Variants in ADK observed in about 807,000 individuals in gnomAD.
ADK encodes the protein N6,N6-dimethyladenosine kinase.
In ADK, 24 loss-of-function variants were observed where a neutral mutation model predicts 44.7. That is an observed-to-expected ratio of 0.54 (90% CI 0.39 to 0.76). The LOEUF is 0.76. ADK is among the 30% of genes least tolerant of loss of function. The pLI is 0.00. For synonymous variants in ADK, 128 were observed against 142.6 expected, an observed-to-expected ratio of 0.90 and a Z score of 0.73; for missense variants, 321 against 425.1, an observed-to-expected ratio of 0.76 and a Z score of 2.15.
chr10:74,670,359 C>T (rs1213273971), intron 10 of ADK, 90 bp downstream of exon 10: 5 of 906,892 alleles, frequency 5.5e-6, no homozygotes, highest in African/African-American at 5.0e-5. Flanking sequence ...CATTTAGTAA[C>T]TTCTAATTTC....
intron 6 of ADK, among the ~76,000 whole-genome samples, chr10:74,501,883 G>T (rs1244900059): frequency 1.3e-5 from 2 of 152,082 alleles, no homozygotes; most frequent in African/African-American, 2.4e-5. Flanking sequence ...TTAATGGGAA[G>T]ATAGGGTTTC....
intron 3 of ADK, among the ~76,000 whole-genome samples, chr10:74,310,404 T>G (rs560652459): frequency 7.2e-5 from 11 of 152,308 alleles, no homozygotes; most frequent in African/African-American, 2.6e-4. Flanking sequence ...TTCCTTCTTA[T>G]GAGTTTTCTT....
chr10:74,604,360 C>T (rs1002017352), intron 9 of ADK, among the ~76,000 whole-genome samples: 2 of 152,108 alleles, frequency 1.3e-5, no homozygotes, highest in African/African-American at 4.8e-5. Context: ...CCTAGGTTTT[C>T]TTCTAGGGTT....
chr10:74,356,337 A>G (rs920837830), intron 4 of ADK, among the ~76,000 whole-genome samples: 3 of 152,096 alleles, frequency 2.0e-5, no homozygotes, highest in African/African-American at 7.2e-5. Context: ...TATTGTTAAT[A>G]CCTCAACCAT....
At chr10:74,294,664 T>G (rs1839748459) in intron 3 of ADK, among the ~76,000 whole-genome samples, 1 of 152,232 alleles carries the variant, frequency 6.6e-6, no homozygotes, top group Non-Finnish European at 1.5e-5. Context: ...GACAAACAAC[T>G]GTTTAGTTAT....
intron 6 of ADK, among the ~76,000 whole-genome samples, chr10:74,489,187 C>G (rs546842742): frequency 9.2e-5 from 14 of 151,880 alleles, no homozygotes; most frequent in Admixed American, 7.2e-4. Flanking sequence ...AAAGAAAGTT[C>G]ATATGGAACA....
At chr10:74,598,798 C>G (rs939596542) in intron 8 of ADK, among the ~76,000 whole-genome samples, 2 of 152,006 alleles carry the variant, frequency 1.3e-5, no homozygotes, top group African/African-American at 4.8e-5. Flanking sequence ...GAAAGACTTT[C>G]TTTTAAAGAA....
Position 74,200,776 on chromosome 10 carries a change from C to G in ADK, c.78C>G (p.Leu26=), listed in dbSNP as rs755289664. Residue 26 remains leucine, a synonymous_variant, in exon 2 of 11, where the codon CTC becomes CTG. Coordinates refer to ENST00000539909, the MANE Select transcript of ADK (RefSeq NM_006721.4). ...TGTGTTTTTTTAGAGAAAATATTCT[C>G]TTTGGAATGGGAAATCCTCTGCTTG... ...EAPQALRENI[L]FGMGNPLLDI... 8.1e-6 allele frequency: 13 copies of G among 1,610,250 alleles called. No individual in the cohort carries two copies. The Admixed American group carries it at 1.7e-4, about 21-fold the overall frequency.
At chr10:74,308,197 A>T (rs1840319211) in intron 3 of ADK, among the ~76,000 whole-genome samples, 1 of 152,288 alleles carries the variant, frequency 6.6e-6, no homozygotes, top group Middle Eastern at 3.4e-3. Flanking sequence ...CAGAGTTATA[A>T]ATGGGAATAA....
chr10:74,380,948 A>G (rs1439205035), intron 4 of ADK, among the ~76,000 whole-genome samples: 5 of 152,162 alleles, frequency 3.3e-5, no homozygotes, highest in Admixed American at 3.3e-4. Context: ...TAAAGGAAGA[A>G]AGGGAAAAAG....
chr10:74,157,846 C>T (rs1007481992), intron 1 of ADK, among the ~76,000 whole-genome samples: 7 of 152,186 alleles, frequency 4.6e-5, no homozygotes, highest in Admixed American at 1.3e-4. Context: ...GAGCCGAGAT[C>T]GTGCCATTGC....
At chr10:74,291,103 T>C (rs1462683689) in intron 3 of ADK, among the ~76,000 whole-genome samples, 2 of 152,186 alleles carry the variant, frequency 1.3e-5, no homozygotes, top group Non-Finnish European at 2.9e-5. Context: ...TTTGGCTCAT[T>C]ATTATCTTTA....
intron 10 of ADK, among the ~76,000 whole-genome samples, chr10:74,695,618 G>T (rs76815303): frequency 3.6e-4 from 38 of 106,836 alleles, no homozygotes; most frequent in South Asian, 1.7e-3. Flanking sequence ...TGTATGTGTG[G>T]GGTGTGTGTG....
chr10:74,502,803 T>C (rs1452508676), intron 6 of ADK, among the ~76,000 whole-genome samples: 2 of 152,174 alleles, frequency 1.3e-5, no homozygotes, highest in African/African-American at 2.4e-5. Flanking sequence ...TTGGGTGTTA[T>C]ACTCAAATGT....
intron 3 of ADK, among the ~76,000 whole-genome samples, chr10:74,307,007 C>T (rs905446295): frequency 2.0e-5 from 3 of 152,096 alleles, no homozygotes; most frequent in Admixed American, 6.6e-5. Context: ...ACTGTTTTCC[C>T]CCTATTGCCC....
chr10:74,642,851 T>TTA lies in ADK; in HGVS notation c.878-27332_878-27331insTA, dbSNP rs1320737336. 5.6e-3 allele frequency among the ~76,000 whole-genome samples: 809 copies of TTA among 143,810 alleles called. 10 individuals are homozygous for TTA. Among genetic ancestry groups the TTA allele is most frequent in the African/African-American group, 0.021 (778 of 37,172 alleles). The allele number at this position is 143,810 out of a possible 152,430, so 94.3% of individuals were successfully genotyped here. A position where few individuals can be genotyped will look rare whatever the true frequency, so the allele number is the denominator to read the frequency against. On this transcript the variant is annotated intron_variant, in intron 9 of 10. Transcript: ENST00000539909. ...TCTTTTTTTTTTTTTTTTTTTTTTTTAAGACAGGGTCTCACTCAGTCACTA... is the reference window on the plus strand; with the variant it reads ...TCTTTTTTTTTTTTTTTTTTTTTTTTTAAAGACAGGGTCTCACTCAGTCACTA...
chr10:74,606,040 A>G (rs764174477), intron 9 of ADK, among the ~76,000 whole-genome samples: 6 of 152,172 alleles, frequency 3.9e-5, no homozygotes, highest in Non-Finnish European at 7.3e-5. Context: ...AGAGATGTTT[A>G]TAATATCCAC....
chr10:74,263,570 T>C (rs1313982843), intron 3 of ADK, among the ~76,000 whole-genome samples: 3 of 152,224 alleles, frequency 2.0e-5, no homozygotes, highest in African/African-American at 7.2e-5. Context: ...ACCCAAATGG[T>C]AAAAGGGGAA....
chr10:74,697,718 C>T (rs528609646), intron 10 of ADK, among the ~76,000 whole-genome samples: 2 of 152,252 alleles, frequency 1.3e-5, no homozygotes, highest in Non-Finnish European at 2.9e-5. Context: ...TACCCACTGA[C>T]AATATTTCTT....
Sources: allele counts gnomAD v4.1 joint callset (sites outside exome capture counted in the v4.1 genomes callset), GRCh38; gene constraint gnomAD v4.1.1; transcripts MANE v1.5; gene names NCBI Gene and HGNC (gene_info 2026-07-23, HGNC 2026-07-21).